HMGCLL1: variants seen among roughly 807,000 people sequenced by gnomAD.
The protein encoded by HMGCLL1 is 3-hydroxymethyl-3-methylglutaryl-CoA lyase, cytoplasmic.
A neutral mutation model predicts 39.1 loss-of-function variants in HMGCLL1; 36 were observed. That is an observed-to-expected ratio of 0.92 (90% confidence interval 0.71 to 1.22). The LOEUF (loss-of-function observed/expected upper bound fraction) is 1.22. Among genes scored for constraint, HMGCLL1 ranks in the 50% most tolerant of loss-of-function variants. The pLI, the probability that HMGCLL1 is intolerant of heterozygous loss-of-function variation, is 0.00. For missense variants in HMGCLL1, 451 were observed against 416.5 expected (o/e 1.08, Z -0.72); for synonymous variants, 149 against 144.0 (o/e 1.03, Z -0.25).
At chr6:55,608,304 G>C in the HMGCLL1 span, among the ~76,000 whole-genome samples, 6 of 152,140 alleles carry the variant, frequency 3.9e-5, no homozygotes, top group Non-Finnish European at 8.8e-5. Flanking sequence ...CAACACTCTT[G>C]CACTTGACTC....
the HMGCLL1 span, among the ~76,000 whole-genome samples, chr6:55,616,690 G>A: frequency 2.0e-5 from 3 of 151,960 alleles, no homozygotes; most frequent in Non-Finnish European, 1.5e-5. Flanking sequence ...GAAAATTAAA[G>A]TCAAGTACAG....
At chr6:55,608,608 C>A in the HMGCLL1 span, among the ~76,000 whole-genome samples, 1 of 152,270 alleles carries the variant, frequency 6.6e-6, no homozygotes, top group South Asian at 2.1e-4. Context: ...CTCCTCCTTT[C>A]TTATCCTCTT....
At chr6:55,571,695 G>C (rs760431418) in intron 1 of HMGCLL1, among the ~76,000 whole-genome samples, 166 of 152,174 alleles carry the variant, frequency 1.1e-3, no homozygotes, top group Middle Eastern at 3.4e-3. Flanking sequence ...TGTAGTCCCA[G>C]CTACTCGGGA....
the HMGCLL1 span, among the ~76,000 whole-genome samples, chr6:55,616,762 A>G: frequency 6.6e-6 from 1 of 152,124 alleles, no homozygotes; most frequent in Non-Finnish European, 1.5e-5. Context: ...TAAAAAATTA[A>G]ACAAACTAGA....
At chr6:55,585,879 T>C in the HMGCLL1 span, among the ~76,000 whole-genome samples, 1 of 152,070 alleles carries the variant, frequency 6.6e-6, no homozygotes, top group African/African-American at 2.4e-5. Flanking sequence ...ATACCTCACA[T>C]TCCTGTGGCA....
intron 1 of HMGCLL1, among the ~76,000 whole-genome samples, chr6:55,574,966 A>G (rs996139521): frequency 1.3e-5 from 2 of 152,000 alleles, no homozygotes; most frequent in Non-Finnish European, 1.5e-5. Context: ...GGTTTGAAAC[A>G]TTATTTATAT....
the HMGCLL1 span, among the ~76,000 whole-genome samples, chr6:55,627,387 C>G: frequency 2.0e-5 from 3 of 151,862 alleles, no homozygotes; most frequent in Non-Finnish European, 4.4e-5. Context: ...TCTGGTTGTA[C>G]GGAGGATAGT....
At chr6:55,671,526 C>T in the HMGCLL1 span, among the ~76,000 whole-genome samples, 2 of 151,812 alleles carry the variant, frequency 1.3e-5, no homozygotes, top group East Asian at 3.9e-4. Context: ...TTGGAGACTT[C>T]AACACTCCTC....
intron 7 of HMGCLL1, among the ~76,000 whole-genome samples, chr6:55,442,434 T>C (rs914830247): frequency 4.6e-5 from 7 of 152,146 alleles, no homozygotes; most frequent in African/African-American, 1.7e-4. Context: ...TGTTCAACAT[T>C]TGGCCATTGG....
At chr6:55,530,745 GTC>G (rs1768616017) in intron 3 of HMGCLL1, among the ~76,000 whole-genome samples, 1 of 152,034 alleles carries the variant, frequency 6.6e-6, no homozygotes, top group Non-Finnish European at 1.5e-5. Context: ...ATCTTTCTAA[GTC>G]TCTATGTTTA....
At chr6:55,484,844 A>G (rs1333949593) in intron 7 of HMGCLL1, among the ~76,000 whole-genome samples, 8 of 152,142 alleles carry the variant, frequency 5.3e-5, no homozygotes. Flanking sequence ...CTTATAGTCT[A>G]GTCTCAACAG....
intron 1 of HMGCLL1, chr6:55,564,015 A>G: frequency 4.1e-6 from 2 of 492,282 alleles, no homozygotes; most frequent in Non-Finnish European, 7.6e-6. Context: ...CTAAGCAGAA[A>G]TGGAAAGGCA....
chr6:55,554,700 C>T (rs1004826373), intron 1 of HMGCLL1, among the ~76,000 whole-genome samples: 7 of 152,098 alleles, frequency 4.6e-5, no homozygotes, highest in Non-Finnish European at 1.0e-4. Flanking sequence ...TATGCCAATA[C>T]ACAGGACCCC....
intron 3 of HMGCLL1, among the ~76,000 whole-genome samples, chr6:55,525,012 C>A (rs1768242418): frequency 1.3e-5 from 2 of 150,528 alleles, no homozygotes; most frequent in African/African-American, 4.9e-5. Context: ...TATAGAAGTA[C>A]AAAAAATGAT....
the HMGCLL1 span, among the ~76,000 whole-genome samples, chr6:55,677,640 T>C: frequency 1.3e-5 from 2 of 152,206 alleles, no homozygotes; most frequent in African/African-American, 2.4e-5. Flanking sequence ...GAGAATATTA[T>C]AATTCCTACA....
At chr6:55,464,900 C>A (rs554865973) in intron 7 of HMGCLL1, among the ~76,000 whole-genome samples, 1 of 152,208 alleles carries the variant, frequency 6.6e-6, no homozygotes, top group East Asian at 1.9e-4. Flanking sequence ...GCTCTTTACT[C>A]CTTTACTCCT....
chr6:55,606,454 G>A, the HMGCLL1 span, among the ~76,000 whole-genome samples: 4 of 152,290 alleles, frequency 2.6e-5, no homozygotes, highest in South Asian at 2.1e-4. Context: ...TTGAATGGAA[G>A]TATCTTGGTT....
chr6:55,471,232 A>C (rs1765032928), intron 7 of HMGCLL1, among the ~76,000 whole-genome samples: 1 of 150,588 alleles, frequency 6.6e-6, no homozygotes, highest in Non-Finnish European at 1.5e-5. Context: ...TTTTCAGTTC[A>C]ACCTGTGTGA....
intron 1 of HMGCLL1, among the ~76,000 whole-genome samples, chr6:55,572,997 C>T (rs1320065699): frequency 1.3e-5 from 2 of 152,120 alleles, no homozygotes; most frequent in African/African-American, 4.8e-5. Context: ...GAAGCCAAAA[C>T]CATCAGATCT....
Sources: allele counts gnomAD v4.1 joint callset (sites outside exome capture counted in the v4.1 genomes callset), GRCh38; gene constraint gnomAD v4.1.1; transcripts MANE v1.5; gene names NCBI Gene and HGNC (gene_info 2026-07-23, HGNC 2026-07-21).